Variants in EFCAB6 observed in about 807,000 individuals in gnomAD.
The protein encoded by EFCAB6 is EF-hand calcium binding domain 6.
EFCAB6 carries 156 observed loss-of-function variants against 169.8 expected under a neutral mutation model. The observed-to-expected ratio is 0.92, with a 90% confidence interval of 0.81 to 1.05. The LOEUF is 1.05. Among genes scored for constraint, EFCAB6 ranks in the 50% least tolerant of loss-of-function variants. The probability of loss-of-function intolerance (pLI) is 0.00; values close to 1 mark genes in which losing one functional copy is unlikely to be tolerated. For synonymous variants in EFCAB6, 698 were observed against 676.4 expected, an observed-to-expected ratio of 1.03 and a Z score of -0.50; for missense variants, 1,800 against 1,829.1, an observed-to-expected ratio of 0.98 and a Z score of 0.29.
At chr22:43,668,711 C>G (rs760067956) in intron 16 of EFCAB6, among the ~76,000 whole-genome samples, 161 bp downstream of exon 16, 17 of 152,194 alleles carry the variant, frequency 1.1e-4, no homozygotes, top group East Asian at 3.8e-4. Context: ...TCTCTGCTTG[C>G]TCTAAAATTC....
At chr22:43,666,702 T>TTGG (rs1029505931) in intron 17 of EFCAB6, among the ~76,000 whole-genome samples, 1 of 120,540 alleles carries the variant, frequency 8.3e-6, no homozygotes, top group African/African-American at 4.2e-5. Context: ...TTTTTTTTTT[T>TTGG]TTTTTTTTTT....
intron 21 of EFCAB6, among the ~76,000 whole-genome samples, chr22:43,610,963 T>A (rs1051774777): frequency 2.0e-5 from 3 of 152,118 alleles, no homozygotes; most frequent in Non-Finnish European, 4.4e-5. Context: ...ATACAGAGAA[T>A]CACAATTTAC....
At chr22:43,634,919 A>G (rs1304141963) in intron 18 of EFCAB6, among the ~76,000 whole-genome samples, 183 bp downstream of exon 18, 1 of 152,168 alleles carries the variant, frequency 6.6e-6, no homozygotes, top group Non-Finnish European at 1.5e-5. Flanking sequence ...TTCTGCACTC[A>G]CAGTTCTGAA....
chr22:43,780,418 C>G (rs2061781404), intron 3 of EFCAB6, among the ~76,000 whole-genome samples: 1 of 135,114 alleles, frequency 7.4e-6, no homozygotes, highest in Non-Finnish European at 1.5e-5. Context: ...ACCTGGGAGG[C>G]AGAGGTTGCA....
intron 18 of EFCAB6, among the ~76,000 whole-genome samples, chr22:43,633,248 C>G (rs1217061726): frequency 6.6e-6 from 1 of 152,136 alleles, no homozygotes; most frequent in East Asian, 1.9e-4. Context: ...AGTGTAACCT[C>G]TCCTTAAAAA....
intron 6 of EFCAB6, among the ~76,000 whole-genome samples, chr22:43,751,689 G>C (rs2060771255): frequency 6.6e-6 from 1 of 152,168 alleles, no homozygotes. Context: ...TCTGTGGTTG[G>C]AACACAAAGC....
intron 1 of EFCAB6, among the ~76,000 whole-genome samples, chr22:43,809,774 A>G (rs1052732774): frequency 6.6e-6 from 1 of 151,900 alleles, no homozygotes; most frequent in South Asian, 2.1e-4. Flanking sequence ...TGCCTGGCTA[A>G]TTTTTTGTAT....
At position 43,632,231 on chromosome 22, in the gene EFCAB6, T is replaced by G; in HGVS notation, c.2106A>C (p.Pro702=). 6.2e-7 allele frequency: 1 copy of G among 1,612,968 alleles called. No individual in the cohort carries two copies. Among genetic ancestry groups the G allele is most frequent in the South Asian group, 1.1e-5 (1 of 91,012 alleles). The change falls in exon 19 of 32, where the codon CCA becomes CCC. Residue 702 remains proline (P), a synonymous_variant. Transcript: ENST00000262726. The part of the protein sequence containing the change: ...LDFAAGFEDP[P]MRGPETTPPQ... Reference sequence around the variant, plus strand: ...GCGGAGTGGTTTCCGGCCCTCTCATTGGAGGATCTGGAACAATTACAAAGA... The same window carrying G: ...GCGGAGTGGTTTCCGGCCCTCTCATGGGAGGATCTGGAACAATTACAAAGA...
intron 25 of EFCAB6, among the ~76,000 whole-genome samples, chr22:43,577,490 A>C (rs1294538961): frequency 6.6e-6 from 1 of 152,230 alleles, no homozygotes. Context: ...GAAATCCCCT[A>C]GCCAGGAGTT....
At chr22:43,758,814 A>G (rs943920022) in intron 5 of EFCAB6, among the ~76,000 whole-genome samples, 1 of 152,228 alleles carries the variant, frequency 6.6e-6, no homozygotes, top group African/African-American at 2.4e-5. Flanking sequence ...TATTTTTAAA[A>G]TGTTTTCTTA....
chr22:43,546,603 G>A (rs2048070780), intron 27 of EFCAB6, among the ~76,000 whole-genome samples: 1 of 152,204 alleles, frequency 6.6e-6, no homozygotes, highest in Non-Finnish European at 1.5e-5. Context: ...GGGCGTGGTG[G>A]CTCACGCCTG....
chr22:43,757,525 C>T (rs930263568), intron 5 of EFCAB6, among the ~76,000 whole-genome samples: 1 of 152,140 alleles, frequency 6.6e-6, no homozygotes, highest in Non-Finnish European at 1.5e-5. Flanking sequence ...CCAACCCGGA[C>T]AACAACAGCG....
At chr22:43,797,711 C>T (rs1171906553) in intron 2 of EFCAB6, among the ~76,000 whole-genome samples, 1 of 151,960 alleles carries the variant, frequency 6.6e-6, no homozygotes, top group Admixed American at 6.6e-5. Context: ...CGTGTTACTT[C>T]CTTGCTTAGA....
chr22:43,710,761 C>T (rs1405830232), intron 10 of EFCAB6, among the ~76,000 whole-genome samples: 2 of 152,024 alleles, frequency 1.3e-5, no homozygotes, highest in Non-Finnish European at 2.9e-5. Flanking sequence ...ATGTTTGCCA[C>T]CACCTATGAA....
intron 3 of EFCAB6, among the ~76,000 whole-genome samples, chr22:43,778,910 G>C (rs182418788): frequency 2.0e-5 from 3 of 151,486 alleles, no homozygotes; most frequent in Non-Finnish European, 4.4e-5. Context: ...TTAATTGCAA[G>C]ACAAGTGAAG....
chr22:43,700,593 G>A (rs2058733411), intron 10 of EFCAB6, among the ~76,000 whole-genome samples: 1 of 152,090 alleles, frequency 6.6e-6, no homozygotes, highest in African/African-American at 2.4e-5. Context: ...ATGACAGAAC[G>A]GTCCCCTCGT....
chr22:43,676,418 C>CAAAA (rs34550416), intron 13 of EFCAB6, among the ~76,000 whole-genome samples: 3 of 60,448 alleles, frequency 5.0e-5, no homozygotes, highest in Non-Finnish European at 6.7e-5. Flanking sequence ...GACTCCGTCT[C>CAAAA]AAAAAAAAAA....
chr22:43,716,833 A>G lies in EFCAB6; in HGVS notation c.882+15T>C, dbSNP rs535817887. The G allele has an allele frequency of 6.3e-7, 1 of 1,595,876 alleles. No individual in the cohort carries two copies. Among genetic ancestry groups the G allele is most frequent in the Admixed American group, 1.8e-5 (1 of 56,566 alleles). ...TTTACTCTGTAGGTAATTGTGGCTT[A>G]GGAAAACATCTTACTTGTAGACAAA... On this transcript the variant is annotated intron_variant, in intron 9 of 31. Transcript: ENST00000262726.
At chr22:43,761,259 C>T (rs2061153580) in intron 5 of EFCAB6, among the ~76,000 whole-genome samples, 1 of 152,164 alleles carries the variant, frequency 6.6e-6, no homozygotes, top group African/African-American at 2.4e-5. Flanking sequence ...CACTATAGTA[C>T]CCAGTCTCAG....
Sources: allele counts gnomAD v4.1 joint callset (sites outside exome capture counted in the v4.1 genomes callset), GRCh38; gene constraint gnomAD v4.1.1; transcripts MANE v1.5; gene names NCBI Gene and HGNC (gene_info 2026-07-23, HGNC 2026-07-21).